Variants in CDH13 observed in about 807,000 individuals in gnomAD.
CDH13 encodes the protein cadherin-13.
In CDH13, 24 loss-of-function variants were observed where a neutral mutation model predicts 63.8. The observed-to-expected ratio is 0.38, with a 90% CI of 0.27 to 0.53. The LOEUF (loss-of-function observed/expected upper bound fraction) is 0.53, where lower values mean the gene tolerates loss of function less well. Ranked by LOEUF, CDH13 falls within the 20% of genes least tolerant of loss-of-function variation. The pLI is 0.85. For synonymous variants in CDH13, 503 were observed against 355.3 expected, an observed-to-expected ratio of 1.42 and a Z score of -4.67; for missense variants, 1,049 against 903.1, an observed-to-expected ratio of 1.16 and a Z score of -2.07.
At chr16:83,493,252 G>A (rs2074060057) in intron 7 of CDH13, among the ~76,000 whole-genome samples, 1 of 152,204 alleles carries the variant, frequency 6.6e-6, no homozygotes. Flanking sequence ...GAAAGAAGTT[G>A]GAGTTTCTCC....
rs368258548 is a variant in CDH13, at chr16:83,613,795, C to T, written c.1101+11201C>T. Among the ~76,000 whole-genome samples the T allele has an allele frequency of 1.7e-3, 260 of 152,112 alleles. 1 individual carries two copies. Among genetic ancestry groups the T allele is most frequent in the African/African-American group, 5.8e-3 (241 of 41,502 alleles). On this transcript the variant is annotated intron_variant, in intron 8 of 13. Coordinates refer to ENST00000567109, the MANE Select transcript of CDH13 (RefSeq NM_001257.5). ...TTGCATTGAGCTGAGATCATGCCAC[C>T]GCACTCCAGCCTCCATGACAGAATG...
At chr16:83,536,928 T>G (rs546516878) in intron 7 of CDH13, among the ~76,000 whole-genome samples, 1 of 152,336 alleles carries the variant, frequency 6.6e-6, no homozygotes, top group Admixed American at 6.5e-5. Context: ...ATGGGGATGT[T>G]GCGGATGGAG....
At chr16:82,802,056 C>A (rs2036884352) in intron 1 of CDH13, among the ~76,000 whole-genome samples, 1 of 152,122 alleles carries the variant, frequency 6.6e-6, no homozygotes, top group African/African-American at 2.4e-5. Flanking sequence ...TACATATAGG[C>A]TGGCTCAGAG....
intron 4 of CDH13, among the ~76,000 whole-genome samples, chr16:83,211,268 C>T (rs558508358): frequency 1.3e-5 from 2 of 152,032 alleles, no homozygotes; most frequent in South Asian, 2.1e-4. Flanking sequence ...TCCATTTTTA[C>T]GTAAGATGTC....
At chr16:82,944,180 C>G (rs987906054) in intron 2 of CDH13, among the ~76,000 whole-genome samples, 9 of 152,190 alleles carry the variant, frequency 5.9e-5, no homozygotes, top group Non-Finnish European at 8.8e-5. Flanking sequence ...CCACACCTTT[C>G]TTTGTCCAGC....
At chr16:82,817,080 A>G (rs1216188857) in intron 1 of CDH13, among the ~76,000 whole-genome samples, 1 of 152,102 alleles carries the variant, frequency 6.6e-6, no homozygotes, top group Non-Finnish European at 1.5e-5. Context: ...CATTGGTCAG[A>G]TTGAGGCTAA....
chr16:82,676,488 T>C (rs930721180), intron 1 of CDH13, among the ~76,000 whole-genome samples: 11 of 15,406 alleles, frequency 7.1e-4, no homozygotes, highest in African/African-American at 2.7e-3. Flanking sequence ...CATCATTTCT[T>C]TTTTTTTTTT....
In CDH13 at chr16:83,126,139, A is replaced by G. The variant is rs188604946; in HGVS notation, c.483+638A>G. On this transcript the variant is annotated intron_variant, in intron 4 of 13. Coordinates refer to ENST00000567109, the MANE Select transcript of CDH13 (RefSeq NM_001257.5). The stretch of plus-strand genomic sequence containing the variant: ...AGTTTGTACTTTTTGGTTGTTAGAA[A>G]CAAGTGCTCAGTGCCGCAAAGGAGA... Among the ~76,000 whole-genome samples, 571 of 152,306 alleles carry G rather than the reference A, an allele frequency of 3.7e-3. 4 individuals carry two copies. Among genetic ancestry groups the G allele is most frequent in the Middle Eastern group, 0.034 (10 of 292 alleles).
At chr16:83,178,870 G>T (rs1158557930) in intron 4 of CDH13, among the ~76,000 whole-genome samples, 1 of 151,944 alleles carries the variant, frequency 6.6e-6, no homozygotes, top group Non-Finnish European at 1.5e-5. Flanking sequence ...CCCAGTGTTT[G>T]GTTCACTCTC....
intron 7 of CDH13, among the ~76,000 whole-genome samples, chr16:83,506,187 C>T (rs1226520017): frequency 6.6e-6 from 1 of 152,154 alleles, no homozygotes; most frequent in Admixed American, 6.5e-5. Flanking sequence ...AAGATGCTGT[C>T]TTCATTAAGG....
At chr16:83,343,171 A>G (rs1346617517) in intron 5 of CDH13, among the ~76,000 whole-genome samples, 1 of 152,082 alleles carries the variant, frequency 6.6e-6, no homozygotes, top group Non-Finnish European at 1.5e-5. Flanking sequence ...AAGTAATGTT[A>G]AAGAAAAAAA....
intron 5 of CDH13, among the ~76,000 whole-genome samples, chr16:83,343,513 C>A (rs934373393): frequency 6.6e-6 from 1 of 152,086 alleles, no homozygotes; most frequent in Non-Finnish European, 1.5e-5. Context: ...AAGTATGAGT[C>A]TTTCGTGGTT....
chr16:83,504,967 C>T (rs2074363087), intron 7 of CDH13, among the ~76,000 whole-genome samples: 1 of 152,106 alleles, frequency 6.6e-6, no homozygotes, highest in Non-Finnish European at 1.5e-5. Context: ...AATCTCCTTT[C>T]TCTGTAAAAA....
At chr16:83,546,199 C>T (rs547642612) in intron 7 of CDH13, among the ~76,000 whole-genome samples, 21 of 151,734 alleles carry the variant, frequency 1.4e-4, no homozygotes, top group South Asian at 8.4e-4. Flanking sequence ...AAGTGTAGAG[C>T]GTGGGACGTC....
At chr16:83,646,461 G>T (rs1160810721) in intron 8 of CDH13, among the ~76,000 whole-genome samples, 1 of 152,080 alleles carries the variant, frequency 6.6e-6, no homozygotes, top group Admixed American at 6.5e-5. Flanking sequence ...AGCACTTTGG[G>T]AGGCCGAGGT....
rs754201159 is a variant in CDH13 at position 83,486,679 on chromosome 16, C to A, written c.960+24C>A. ...AGGTGAGCTGAAAAGAATACACTTT[C>A]TTTTTCACGAGAATAGAATGTGGCT... is the stretch of plus-strand genomic sequence containing the variant. On this transcript the variant is annotated intron_variant, in intron 7 of 13. Transcript: ENST00000567109. The A allele has an allele frequency of 4.4e-6, 7 of 1,607,610 alleles. No homozygotes were observed. The Admixed American group carries it at 1.0e-4, about 23-fold the overall frequency.
intron 7 of CDH13, among the ~76,000 whole-genome samples, chr16:83,518,978 C>G (rs991105976): frequency 6.6e-6 from 1 of 152,098 alleles, no homozygotes; most frequent in African/African-American, 2.4e-5. Flanking sequence ...TGAGAACGGA[C>G]TAATATACCA....
chr16:82,907,494 G>A (rs909124108), intron 2 of CDH13, among the ~76,000 whole-genome samples: 4 of 152,024 alleles, frequency 2.6e-5, no homozygotes, highest in East Asian at 1.9e-4. Flanking sequence ...CCAAACTGTC[G>A]GTCCATTCAT....
intron 6 of CDH13, among the ~76,000 whole-genome samples, chr16:83,443,875 C>A (rs1285237001): frequency 1.4e-5 from 2 of 146,612 alleles, no homozygotes; most frequent in Admixed American, 1.4e-4. Flanking sequence ...GTTGAGACTG[C>A]AGTGAGCCAA....
Sources: allele counts gnomAD v4.1 joint callset (sites outside exome capture counted in the v4.1 genomes callset), GRCh38; gene constraint gnomAD v4.1.1; transcripts MANE v1.5; gene names NCBI Gene and HGNC (gene_info 2026-07-23, HGNC 2026-07-21).